ANKS1B: variants seen among roughly 807,000 people sequenced by gnomAD.
ANKS1B encodes ankyrin repeat and sterile alpha motif domain-containing protein 1B.
In ANKS1B, 36 loss-of-function variants were observed where a neutral mutation model predicts 148.3. The observed-to-expected ratio is 0.24, with a 90% CI of 0.19 to 0.32. ANKS1B has a LOEUF of 0.32. Among genes scored for constraint, ANKS1B ranks in the 10% least tolerant of loss-of-function variants. The pLI, the probability that ANKS1B is intolerant of heterozygous loss-of-function variation, is 1.00. For missense variants in ANKS1B, 1,157 were observed against 1,542.6 expected (o/e 0.75, Z 4.19); for synonymous variants, 542 against 560.8 (o/e 0.97, Z 0.47).
chr12:99,304,200 G>C (rs1297950856), intron 12 of ANKS1B, among the ~76,000 whole-genome samples: 1 of 151,960 alleles, frequency 6.6e-6, no homozygotes, highest in African/African-American at 2.4e-5. Flanking sequence ...ACTGTTTTCG[G>C]TAGTGGTTGT....
intron 17 of ANKS1B, among the ~76,000 whole-genome samples, chr12:98,998,109 CT>C (rs1227307634): frequency 2.0e-5 from 3 of 152,176 alleles, no homozygotes; most frequent in African/African-American, 7.2e-5. Context: ...AAGGGAACAA[CT>C]GTCATCTGTT....
At chr12:98,824,763 T>G (rs1294624377) in intron 19 of ANKS1B, among the ~76,000 whole-genome samples, 2 of 152,146 alleles carry the variant, frequency 1.3e-5, no homozygotes, top group East Asian at 3.9e-4. Flanking sequence ...TACAAAGCTT[T>G]TCACAAACAT....
At chr12:98,873,100 G>T (rs2099676368) in intron 17 of ANKS1B, among the ~76,000 whole-genome samples, 1 of 152,174 alleles carries the variant, frequency 6.6e-6, no homozygotes, top group African/African-American at 2.4e-5. Context: ...CTACAGTTGG[G>T]TTATTCTTCT....
chr12:98,742,244 A>G (rs1334600892), downstream of ANKS1B, among the ~76,000 whole-genome samples: 2 of 152,158 alleles, frequency 1.3e-5, no homozygotes, highest in Non-Finnish European at 2.9e-5. Context: ...GGGTGACCCC[A>G]TTGGAGATGA....
intron 22 of ANKS1B, among the ~76,000 whole-genome samples, chr12:98,783,786 G>A (rs1007804567): frequency 3.9e-5 from 6 of 152,200 alleles, no homozygotes; most frequent in Non-Finnish European, 8.8e-5. Context: ...CCAAGTTAGG[G>A]TCCGTTGGAA....
intron 12 of ANKS1B, among the ~76,000 whole-genome samples, chr12:99,318,312 G>A (rs1005601630): frequency 2.0e-5 from 3 of 152,100 alleles, no homozygotes; most frequent in Non-Finnish European, 4.4e-5. Flanking sequence ...TTTTTGGTTG[G>A]TAGGCTATTA....
chr12:99,209,780 T>C (rs546792301), intron 14 of ANKS1B, among the ~76,000 whole-genome samples: 3 of 152,322 alleles, frequency 2.0e-5, no homozygotes, highest in African/African-American at 7.2e-5. Context: ...ATCAGCCTAA[T>C]GGCTAAGGTC....
intron 17 of ANKS1B, among the ~76,000 whole-genome samples, chr12:98,856,157 G>A (rs2153792251): frequency 6.6e-6 from 1 of 152,326 alleles, no homozygotes; most frequent in African/African-American, 2.4e-5. Flanking sequence ...CAGTGGCTAG[G>A]AAAATATCTG....
intron 25 of ANKS1B, among the ~76,000 whole-genome samples, chr12:98,756,354 G>A (rs2098242208): frequency 6.6e-6 from 1 of 151,984 alleles, no homozygotes; most frequent in Non-Finnish European, 1.5e-5. Flanking sequence ...CTTCTTCTTT[G>A]TCTTCTGCCA....
chr12:99,864,546 G>A (rs1313724599), intron 1 of ANKS1B, among the ~76,000 whole-genome samples: 1 of 152,124 alleles, frequency 6.6e-6, no homozygotes, highest in Admixed American at 6.5e-5. Context: ...GTGCTAGATA[G>A]TATGATACAA....
chr12:99,428,905 A>C (rs2095312916), intron 11 of ANKS1B, among the ~76,000 whole-genome samples: 1 of 152,234 alleles, frequency 6.6e-6, no homozygotes, highest in Admixed American at 6.5e-5. Flanking sequence ...GAATGCTCAA[A>C]GAGTGATGGA....
intron 14 of ANKS1B, among the ~76,000 whole-genome samples, chr12:99,232,358 G>A (rs2087011693): frequency 6.6e-6 from 1 of 152,172 alleles, no homozygotes; most frequent in African/African-American, 2.4e-5. Context: ...ATGCACTTGA[G>A]ATTAATCTAA....
At chr12:99,247,711 C>T (rs141832679) in intron 12 of ANKS1B, among the ~76,000 whole-genome samples, 249 of 152,118 alleles carry the variant, frequency 1.6e-3, no homozygotes, top group Admixed American at 2.7e-3. Context: ...ATGCTTTTTG[C>T]GACTTAATTT....
chr12:99,409,115 T>C (rs999450844), intron 11 of ANKS1B, among the ~76,000 whole-genome samples: 1 of 152,138 alleles, frequency 6.6e-6, no homozygotes, highest in African/African-American at 2.4e-5. Context: ...TATCAACATA[T>C]GAATGGATAA....
chr12:99,434,477 T>C (rs535711178), intron 11 of ANKS1B, among the ~76,000 whole-genome samples: 14 of 152,280 alleles, frequency 9.2e-5, no homozygotes, highest in Non-Finnish European at 1.8e-4. Flanking sequence ...TCCTTACTAA[T>C]AGGCATTAAG....
At chr12:99,222,081 C>A (rs2085213739) in intron 14 of ANKS1B, among the ~76,000 whole-genome samples, 1 of 151,804 alleles carries the variant, frequency 6.6e-6, no homozygotes, top group Non-Finnish European at 1.5e-5. Context: ...GTTAAAAAAA[C>A]AAGATAAAGA....
chr12:99,225,115 G>A (rs1056271047), intron 14 of ANKS1B, among the ~76,000 whole-genome samples: 4 of 152,050 alleles, frequency 2.6e-5, no homozygotes, highest in African/African-American at 9.7e-5. Flanking sequence ...CTGTATACCT[G>A]GCTATATATA....
At chr12:99,432,327 C>A (rs2095389088) in intron 11 of ANKS1B, among the ~76,000 whole-genome samples, 1 of 152,168 alleles carries the variant, frequency 6.6e-6, no homozygotes, top group Non-Finnish European at 1.5e-5. Context: ...TCACTTTGAG[C>A]ATTTCCTCTC....
chr12:98,786,837 C>T (rs932784356), intron 22 of ANKS1B, among the ~76,000 whole-genome samples: 13 of 152,194 alleles, frequency 8.5e-5, no homozygotes, highest in Non-Finnish European at 1.3e-4. Flanking sequence ...ACGCCACCAA[C>T]CCTTCATTCT....
Sources: gnomAD v4.1 joint callset for allele counts (sites outside exome capture counted in the v4.1 genomes callset) on GRCh38, gnomAD v4.1.1 for gene constraint, MANE v1.5 for transcripts, NCBI Gene and HGNC (gene_info 2026-07-23, HGNC 2026-07-21) for gene names.